ATP8B4: variants seen among roughly 807,000 people sequenced by gnomAD.
ATP8B4 encodes the protein ATPase phospholipid transporting 8B4 (putative), also known as probable phospholipid-transporting ATPase IM.
A neutral mutation model predicts 145.6 loss-of-function variants in ATP8B4; 133 were observed. That is an observed-to-expected ratio of 0.91 (90% CI 0.79 to 1.05). ATP8B4 has a LOEUF of 1.05. Ranked by LOEUF, ATP8B4 falls within the 50% of genes least tolerant of loss-of-function variation. The pLI is 0.00. For synonymous variants in ATP8B4, 507 were observed against 492.9 expected, an observed-to-expected ratio of 1.03 and a Z score of -0.38; for missense variants, 1,458 against 1,425.2, an observed-to-expected ratio of 1.02 and a Z score of -0.37.
chr15:49,999,132 C>G (rs1157866657), intron 8 of ATP8B4, among the ~76,000 whole-genome samples: 4 of 151,934 alleles, frequency 2.6e-5, no homozygotes, highest in Non-Finnish European at 1.5e-5. Context: ...TTGGAACCAA[C>G]CCAAATGTCC....
At chr15:49,987,048 C>T (rs1254457073) in intron 10 of ATP8B4, among the ~76,000 whole-genome samples, 1 of 152,106 alleles carries the variant, frequency 6.6e-6, no homozygotes, top group African/African-American at 2.4e-5. Context: ...CATACTCTTA[C>T]CCACTTTAAA....
chr15:49,866,719 G>C (rs2032856480), intron 25 of ATP8B4, among the ~76,000 whole-genome samples: 1 of 152,172 alleles, frequency 6.6e-6, no homozygotes. Flanking sequence ...TATCTGCCAA[G>C]GTCGAGTCAG....
chr15:50,170,618 C>T (rs1368708813), intron 1 of ATP8B4, among the ~76,000 whole-genome samples: 3 of 143,344 alleles, frequency 2.1e-5, no homozygotes, highest in Non-Finnish European at 4.6e-5. Context: ...AACAAAACTA[C>T]AAGTTAAAAA....
chr15:50,068,625 T>C (rs2053539383), intron 3 of ATP8B4, among the ~76,000 whole-genome samples: 1 of 152,216 alleles, frequency 6.6e-6, no homozygotes, highest in Non-Finnish European at 1.5e-5. Context: ...GTGCATTAAA[T>C]ATATTCAGAT....
At chr15:50,071,720 G>C (rs2053750279) in intron 3 of ATP8B4, among the ~76,000 whole-genome samples, 1 of 152,176 alleles carries the variant, frequency 6.6e-6, no homozygotes, top group Non-Finnish European at 1.5e-5. Context: ...AGGCCATACA[G>C]AGTGACATTT....
chr15:50,069,875 G>A (rs974161302), intron 3 of ATP8B4, among the ~76,000 whole-genome samples: 1 of 152,146 alleles, frequency 6.6e-6, no homozygotes, highest in African/African-American at 2.4e-5. Context: ...ATCTCAGCAA[G>A]TTTTGTGGAA....
chr15:49,992,156 G>C (rs2047092830), intron 9 of ATP8B4, among the ~76,000 whole-genome samples: 1 of 152,162 alleles, frequency 6.6e-6, no homozygotes, highest in Admixed American at 6.6e-5. Context: ...CTTCCTTCAA[G>C]AGCTGTAAGG....
intron 20 of ATP8B4, among the ~76,000 whole-genome samples, chr15:49,914,971 G>A (rs967931638): frequency 1.7e-4 from 26 of 152,148 alleles, no homozygotes; most frequent in African/African-American, 6.3e-4. Context: ...TTATTCAAAG[G>A]AAATGAAATT....
intron 6 of ATP8B4, among the ~76,000 whole-genome samples, chr15:50,020,121 A>T (rs2049423658): frequency 6.7e-6 from 1 of 150,352 alleles, no homozygotes; most frequent in African/African-American, 2.5e-5. Context: ...TGCCTGGCTA[A>T]TTTTTATATT....
At chr15:50,039,459 A>G (rs555505695) in intron 5 of ATP8B4, among the ~76,000 whole-genome samples, 1 of 152,348 alleles carries the variant, frequency 6.6e-6, no homozygotes, top group South Asian at 2.1e-4. Context: ...AGCTTGAAAG[A>G]ATCTCAATAT....
At chr15:50,016,371 T>C (rs903055504) in intron 6 of ATP8B4, among the ~76,000 whole-genome samples, 1 of 152,212 alleles carries the variant, frequency 6.6e-6, no homozygotes, top group African/African-American at 2.4e-5. Context: ...TTATGAAAGC[T>C]AGAGGAACTA....
intron 1 of ATP8B4, among the ~76,000 whole-genome samples, chr15:50,157,175 G>C (rs1185498607): frequency 1.3e-5 from 2 of 152,038 alleles, no homozygotes; most frequent in Non-Finnish European, 2.9e-5. Context: ...TCAAACCAAA[G>C]GGATAAAGAA....
chr15:50,161,141 C>G lies in ATP8B4; in HGVS notation c.-43+21120G>C, dbSNP rs543638245. On this transcript the variant is annotated intron_variant, in intron 1 of 3. Coordinates refer to the ATP8B4 transcript ENST00000558829. ...TATATAGTGACCTTCTTTGTCTCTT[C>G]CAGTTTTTGTCCTGAAATCTATTTT... Among the ~76,000 whole-genome samples, 3 of 152,120 alleles carry G rather than the reference C, an allele frequency of 2.0e-5. No homozygotes were observed. In the South Asian group the frequency reaches 6.2e-4, roughly 32 times the overall value.
At chr15:50,107,395 G>C (rs922077045) in intron 1 of ATP8B4, among the ~76,000 whole-genome samples, 6 of 152,164 alleles carry the variant, frequency 3.9e-5, no homozygotes, top group African/African-American at 1.4e-4. Flanking sequence ...ACTGAACTTC[G>C]AGAGCTATGT....
chr15:50,016,772 A>G (rs758630335), intron 6 of ATP8B4, among the ~76,000 whole-genome samples: 4 of 152,210 alleles, frequency 2.6e-5, no homozygotes, highest in Non-Finnish European at 4.4e-5. Context: ...TGAAGGTTAT[A>G]TGTGGGCAGC....
intron 13 of ATP8B4, among the ~76,000 whole-genome samples, chr15:49,970,479 T>C (rs1341681129): frequency 2.0e-5 from 3 of 151,910 alleles, no homozygotes; most frequent in East Asian, 1.9e-4. Context: ...ACACCAATAA[T>C]AGACAAACAG....
intron 6 of ATP8B4, among the ~76,000 whole-genome samples, chr15:50,033,831 G>A (rs1190223802): frequency 1.3e-5 from 2 of 152,150 alleles, no homozygotes; most frequent in Admixed American, 6.5e-5. Flanking sequence ...TTCTGTTCCT[G>A]TGTTAATTTA....
At chr15:49,987,239 C>T (rs1022535379) in intron 10 of ATP8B4, 152 bp downstream of exon 10, 24 of 905,798 alleles carry the variant, frequency 2.6e-5, no homozygotes, top group Non-Finnish European at 3.6e-5. Context: ...AGTGTTTTCT[C>T]CTGGCATCCT....
At chr15:50,149,475 T>C (rs1021579643) in intron 1 of ATP8B4, among the ~76,000 whole-genome samples, 4 of 152,136 alleles carry the variant, frequency 2.6e-5, no homozygotes, top group Non-Finnish European at 4.4e-5. Flanking sequence ...CACTAAGCCT[T>C]GAAGCAGATC....
Sources: allele counts gnomAD v4.1 joint callset (sites outside exome capture counted in the v4.1 genomes callset), GRCh38; gene constraint gnomAD v4.1.1; transcripts MANE v1.5; gene names NCBI Gene and HGNC (gene_info 2026-07-23, HGNC 2026-07-21).